LTF: variants seen among roughly 807,000 people sequenced by gnomAD.
LTF encodes epididymis luminal protein 110.
A neutral mutation model predicts 87.2 loss-of-function variants in LTF; 91 were observed. That is an observed-to-expected ratio of 1.04 (90% confidence interval 0.88 to 1.24). The LOEUF is 1.24. Ranked by LOEUF, LTF falls within the 50% of genes most tolerant of loss-of-function variation. The pLI, the probability that LTF is intolerant of heterozygous loss-of-function variation, is 0.00. For missense variants in LTF, 901 were observed against 904.3 expected (o/e 1.00, Z 0.05); for synonymous variants, 378 against 356.1 (o/e 1.06, Z -0.69).
intron 1 of LTF, among the ~76,000 whole-genome samples, chr3:46,463,241 T>A (rs1327545136): frequency 1.3e-5 from 2 of 152,206 alleles, no homozygotes; most frequent in Non-Finnish European, 2.9e-5. Context: ...TGGGCAGACA[T>A]GCAGTGCGCT....
intron 1 of LTF, chr3:46,460,481 CT>C: frequency 2.3e-6 from 1 of 441,060 alleles, no homozygotes; most frequent in Non-Finnish European, 4.6e-6. Context: ...GCTTTTTTTG[CT>C]CAAATACTGG....
chr3:46,452,876 AG>A (rs1702837405), intron 6 of LTF, among the ~76,000 whole-genome samples: 1 of 152,230 alleles, frequency 6.6e-6, no homozygotes, highest in Non-Finnish European at 1.5e-5. Context: ...TAGATGAGGA[AG>A]GGGATCTTCA....
rs535008257 is a variant in LTF at position 46,454,060 on chromosome 3, G to A, written c.703+245C>T. Reference sequence around the variant, plus strand: ...TGAGCACATGTGTCTTGGAGGACTGGAGGACGCATTGCCAAGCACCTAGGC... The same window carrying A: ...TGAGCACATGTGTCTTGGAGGACTGAAGGACGCATTGCCAAGCACCTAGGC... On this transcript the variant is annotated intron_variant, in intron 6 of 16. Coordinates refer to ENST00000231751, the MANE Select transcript of LTF (RefSeq NM_002343.6). The A allele has an allele frequency of 5.1e-5, 27 of 528,350 alleles. No individual in the cohort carries two copies. The East Asian group carries it at 6.5e-4, about 13-fold the overall frequency. 32.7% of individuals were successfully genotyped at this position (528,350 alleles called of 1,614,324 possible). A position where few individuals can be genotyped will look rare whatever the true frequency, so the allele number is the denominator to read the frequency against.
intron 16 of LTF, 126 bp from the exon 17 acceptor site, chr3:46,436,355 C>G: frequency 1.2e-6 from 1 of 834,200 alleles, no homozygotes; most frequent in Non-Finnish European, 2.0e-6. Context: ...TGAGTCAGTG[C>G]TTGCCACACT....
intron 2 of LTF, among the ~76,000 whole-genome samples, 182 bp downstream of exon 2, chr3:46,459,474 G>A (rs1272585759): frequency 2.0e-5 from 3 of 152,222 alleles, no homozygotes; most frequent in Admixed American, 2.0e-4. Context: ...ATGGTCTCTT[G>A]ACTTAAGCTC....
At chr3:46,467,138 C>T (rs188593301), upstream of LTF, among the ~76,000 whole-genome samples, 2 of 152,286 alleles carry the variant, frequency 1.3e-5, no homozygotes, top group East Asian at 3.9e-4. Flanking sequence ...CCCCTCAAGG[C>T]CATTTGCAGA....
rs1421422057 is a variant in LTF, at chr3:46,482,694, AGG to A, written c.-320+2290_-320+2291del. The stretch of plus-strand genomic sequence containing the variant: ...AAGGAAGGAAGGAAGGAAGGAAGGA[AGG>A]AAGGAAGGAAAGAAAGAAAGAGAAA... On this transcript the variant is annotated intron_variant, in intron 1 of 19. Coordinates refer to the LTF transcript ENST00000443496. Among the ~76,000 whole-genome samples the A allele has an allele frequency of 4.7e-4, 59 of 126,834 alleles. 4 individuals carry two copies. The highest frequency in any genetic ancestry group is 1.3e-3 in the African/African-American group (43 of 32,042). 83.2% of individuals were successfully genotyped at this position (126,834 alleles called of 152,430 possible).
At chr3:46,463,437 C>T in intron 1 of LTF, 1 of 985,072 alleles carries the variant, frequency 1.0e-6, no homozygotes, top group Non-Finnish European at 1.2e-6. Flanking sequence ...CAGCTGGCCC[C>T]ACTCACCCAA....
At chr3:46,458,413 C>T (rs531639038) in intron 2 of LTF, among the ~76,000 whole-genome samples, 3 of 152,218 alleles carry the variant, frequency 2.0e-5, no homozygotes, top group East Asian at 1.9e-4. Context: ...CGAGATCAGA[C>T]GAGATCAGAC....
At chr3:46,482,648 GA>G (rs1559614782) in intron 1 of LTF, among the ~76,000 whole-genome samples, 226 of 99,922 alleles carry the variant, frequency 2.3e-3, no homozygotes, top group Non-Finnish European at 3.0e-3. Flanking sequence ...AAGAAAGAAA[GA>G]AAGAAAGAAA....
At chr3:46,445,153 T>C in intron 12 of LTF, 128 bp downstream of exon 12, 3 of 979,424 alleles carry the variant, frequency 3.1e-6, no homozygotes, top group Non-Finnish European at 4.4e-6. Flanking sequence ...AGAATTTCCT[T>C]ATGCTGGAAG....
At chr3:46,460,804 A>G (rs1374376226) in intron 1 of LTF, among the ~76,000 whole-genome samples, 1 of 151,820 alleles carries the variant, frequency 6.6e-6, no homozygotes, top group Non-Finnish European at 1.5e-5. Flanking sequence ...ATGATCTTCT[A>G]TGTAGAAAAT....
At chr3:46,474,383 T>A (rs79975804) in intron 1 of LTF, among the ~76,000 whole-genome samples, 5 of 152,334 alleles carry the variant, frequency 3.3e-5, no homozygotes, top group Non-Finnish European at 5.9e-5. Context: ...TATGTAATAA[T>A]GAAAGAGTCA....
intron 1 of LTF, among the ~76,000 whole-genome samples, chr3:46,479,242 C>T (rs1321846507): frequency 6.6e-6 from 1 of 152,188 alleles, no homozygotes; most frequent in Non-Finnish European, 1.5e-5. Flanking sequence ...CAGGGAAAAC[C>T]CCATAGCCCC....
At chr3:46,468,184 A>C, upstream of LTF, 1 of 456,750 alleles carries the variant, frequency 2.2e-6, no homozygotes, top group Non-Finnish European at 4.4e-6. Flanking sequence ...GGTCTGAAGG[A>C]TAGTGAGGGT....
intron 1 of LTF, among the ~76,000 whole-genome samples, chr3:46,462,081 T>A (rs1250089938): frequency 6.6e-6 from 1 of 152,168 alleles, no homozygotes; most frequent in Non-Finnish European, 1.5e-5. Flanking sequence ...GGGAATATAA[T>A]CTTGCCTTGG....
intron 5 of LTF, among the ~76,000 whole-genome samples, chr3:46,454,643 G>A (rs534923788): frequency 6.6e-6 from 1 of 152,344 alleles, no homozygotes; most frequent in South Asian, 2.1e-4. Context: ...ACCCAAGAGG[G>A]TAAAGCCTTA....
chr3:46,465,865 G>GTC (rs1358217327), upstream of LTF, among the ~76,000 whole-genome samples: 1 of 152,236 alleles, frequency 6.6e-6, no homozygotes, highest in Non-Finnish European at 1.5e-5. Context: ...CTAGGGGAGT[G>GTC]TCACATACAG....
At chr3:46,440,455 AGATTACT>A (rs1329950696) in intron 14 of LTF, among the ~76,000 whole-genome samples, 1 of 152,212 alleles carries the variant, frequency 6.6e-6, no homozygotes, top group Non-Finnish European at 1.5e-5. Context: ...TGATCCCTGG[AGATTACT>A]TCAGTTAATG....
Sources: allele counts gnomAD v4.1 joint callset (sites outside exome capture counted in the v4.1 genomes callset), GRCh38; gene constraint gnomAD v4.1.1; transcripts MANE v1.5; gene names NCBI Gene and HGNC (gene_info 2026-07-23, HGNC 2026-07-21).